GNA12: variants seen among roughly 807,000 people sequenced by gnomAD.
GNA12 encodes G protein subunit alpha 12, also known as guanine nucleotide-binding protein subunit alpha-12.
Under a neutral mutation model 26.0 loss-of-function variants are expected in GNA12, and 9 were observed. That is an observed-to-expected ratio of 0.35 (90% CI 0.21 to 0.60). The LOEUF (loss-of-function observed/expected upper bound fraction) is 0.60. Among genes scored for constraint, GNA12 ranks in the 20% least tolerant of loss-of-function variants. GNA12 has a pLI of 0.78. For missense variants in GNA12, 405 were observed against 525.8 expected, an observed-to-expected ratio of 0.77 and a Z score of 2.25; for synonymous variants, 264 against 219.6, an observed-to-expected ratio of 1.20 and a Z score of -1.79.
At chr7:2,759,254 G>T (rs1485183849) in intron 2 of GNA12, among the ~76,000 whole-genome samples, 1 of 152,106 alleles carries the variant, frequency 6.6e-6, no homozygotes, top group Admixed American at 6.5e-5. Context: ...GTCATAAAAT[G>T]GTTATACTGT....
intron 2 of GNA12, chr7:2,764,767 G>A (rs941842538): frequency 8.5e-5 from 13 of 152,240 alleles, no homozygotes; most frequent in African/African-American, 3.1e-4. Flanking sequence ...AGCAGCATCT[G>A]AAGTCCCTCT....
chr7:2,728,992 C>T lies in GNA12; in HGVS notation c.*2189G>A, dbSNP rs12484. ...ACGGACCCCACAATATCTCCTTCCT[C>T]TCATGCTTCTGGTTTGAAAGTGACG... On this transcript the variant is annotated 3_prime_UTR_variant, in exon 4 of 4. Transcript: ENST00000275364. 70,826 of 152,340 alleles carry T rather than the reference C, an allele frequency of 0.46. 17,232 individuals carry two copies. The highest frequency in any genetic ancestry group is 0.6 in the African/African-American group (25,090 of 41,516). The allele number at this position is 152,340 out of a possible 1,614,324, so 9.4% of individuals were successfully genotyped here.
intron 2 of GNA12, among the ~76,000 whole-genome samples, chr7:2,771,159 C>T (rs1018251277): frequency 3.3e-5 from 5 of 152,000 alleles, no homozygotes; most frequent in Non-Finnish European, 5.9e-5. Context: ...GGTGAGGTGG[C>T]AGGCACCTAT....
Position 2,788,401 on chromosome 7 carries a change from G to A in GNA12, c.525+6527C>T, listed in dbSNP as rs114442099. Among the ~76,000 whole-genome samples, 1,477 of 152,272 alleles carry A rather than the reference G, an allele frequency of 9.7e-3. 18 individuals carry two copies. The highest frequency in any genetic ancestry group is 0.033 in the African/African-American group (1,382 of 41,542). On this transcript the variant is annotated intron_variant, in intron 2 of 3. Transcript: ENST00000275364. ...TCTAGGAAGTCACTCTAAAAGAAGA[G>A]GGGAGCTCTCCCTCCCCACCCTCCT...
chr7:2,779,360 A>G (rs1002689530), intron 2 of GNA12, among the ~76,000 whole-genome samples: 3 of 152,144 alleles, frequency 2.0e-5, no homozygotes, highest in African/African-American at 7.2e-5. Context: ...AAATAAATAA[A>G]TAAGTTGGGT....
intron 2 of GNA12, among the ~76,000 whole-genome samples, chr7:2,793,867 G>A (rs184519908): frequency 5.1e-5 from 7 of 137,800 alleles, no homozygotes; most frequent in East Asian, 2.0e-4. Context: ...GGGCAACAGC[G>A]CGAGACTCCA....
chr7:2,820,326 A>G (rs1262215758), intron 1 of GNA12, among the ~76,000 whole-genome samples: 3 of 151,956 alleles, frequency 2.0e-5, no homozygotes, highest in Admixed American at 6.6e-5. Context: ...CAGCTCTGTA[A>G]ATAGACTGAA....
intron 2 of GNA12, among the ~76,000 whole-genome samples, chr7:2,753,027 T>A (rs1325724444): frequency 6.6e-6 from 1 of 152,178 alleles, no homozygotes; most frequent in Admixed American, 6.5e-5. Context: ...TCTTCCACCA[T>A]CCCTAATCCC....
intron 1 of GNA12, among the ~76,000 whole-genome samples, chr7:2,817,891 AGTTTT>A (rs777662326): frequency 2.6e-5 from 4 of 152,148 alleles, no homozygotes; most frequent in Non-Finnish European, 4.4e-5. Context: ...CCCTCCCTTT[AGTTTT>A]ATTTTTAAGT....
At chr7:2,755,296 C>A (rs1015456693) in intron 2 of GNA12, among the ~76,000 whole-genome samples, 2 of 152,220 alleles carry the variant, frequency 1.3e-5, no homozygotes, top group Non-Finnish European at 2.9e-5. Context: ...TACAAAAGAT[C>A]TTGCTGCGAT....
At chr7:2,785,929 T>C (rs933807877) in intron 2 of GNA12, among the ~76,000 whole-genome samples, 3 of 152,108 alleles carry the variant, frequency 2.0e-5, no homozygotes, top group African/African-American at 7.2e-5. Context: ...TAGTCAGGTG[T>C]GGTGGCGGAC....
At chr7:2,774,796 T>C (rs1014830495) in intron 2 of GNA12, among the ~76,000 whole-genome samples, 2 of 152,132 alleles carry the variant, frequency 1.3e-5, no homozygotes, top group African/African-American at 4.8e-5. Context: ...AGGGTACTTG[T>C]TTTTCCCCCC....
chr7:2,819,627 A>G (rs1003940291), intron 1 of GNA12, among the ~76,000 whole-genome samples: 7 of 152,362 alleles, frequency 4.6e-5, no homozygotes, highest in Middle Eastern at 3.4e-3. Flanking sequence ...CTGTATAGCC[A>G]TATCTCCAAA....
rs1554259618 is a variant in GNA12 at position 2,780,048 on chromosome 7, G to GTATATATATATA, written c.525+14879_525+14880insTATATATATATA. Among the ~76,000 whole-genome samples, 44 of 84,716 alleles carry GTATATATATATA rather than the reference G, an allele frequency of 5.2e-4. 3 individuals carry two copies. Among genetic ancestry groups the GTATATATATATA allele is most frequent in the African/African-American group, 2.1e-3 (36 of 17,426 alleles). 55.6% of individuals were successfully genotyped at this position (84,716 alleles called of 152,430 possible). A position where few individuals can be genotyped will look rare whatever the true frequency, so the allele number is the denominator to read the frequency against. Reference sequence around the variant, plus strand: ...GTACTAGTTTTTTACACATTTCTGTGTACATATATATATATATATATATAT... The same window carrying GTATATATATATA: ...GTACTAGTTTTTTACACATTTCTGTGTATATATATATATACATATATATATATATATATATAT... On this transcript the variant is annotated intron_variant, in intron 2 of 3. Coordinates refer to ENST00000275364, the MANE Select transcript of GNA12 (RefSeq NM_007353.3).
chr7:2,776,754 G>C (rs1342493254), intron 2 of GNA12, among the ~76,000 whole-genome samples: 1 of 152,206 alleles, frequency 6.6e-6, no homozygotes, highest in Non-Finnish European at 1.5e-5. Context: ...GCTGGAAGCA[G>C]AGCTGGTTCC....
At chr7:2,774,679 A>C (rs1643846384) in intron 2 of GNA12, among the ~76,000 whole-genome samples, 1 of 152,250 alleles carries the variant, frequency 6.6e-6, no homozygotes, top group African/African-American at 2.4e-5. Context: ...CGTGTCACTG[A>C]ATCTTCATTC....
chr7:2,740,668 G>A (rs1306794250), intron 2 of GNA12, among the ~76,000 whole-genome samples: 1 of 152,116 alleles, frequency 6.6e-6, no homozygotes, highest in Non-Finnish European at 1.5e-5. Flanking sequence ...CTGGGCAATG[G>A]GTTTATGAGT....
intron 2 of GNA12, among the ~76,000 whole-genome samples, chr7:2,779,206 C>T (rs962518388): frequency 6.6e-6 from 1 of 151,932 alleles, no homozygotes; most frequent in African/African-American, 2.4e-5. Context: ...ATTAAAAAGC[C>T]TGATGTGGTG....
intron 2 of GNA12, among the ~76,000 whole-genome samples, chr7:2,756,266 C>G (rs1446345421): frequency 6.6e-6 from 1 of 152,118 alleles, no homozygotes; most frequent in Non-Finnish European, 1.5e-5. Flanking sequence ...AAAAAACTCT[C>G]ATTTGGAGGA....
Sources: allele counts gnomAD v4.1 joint callset (sites outside exome capture counted in the v4.1 genomes callset), GRCh38; gene constraint gnomAD v4.1.1; transcripts MANE v1.5; gene names NCBI Gene and HGNC (gene_info 2026-07-23, HGNC 2026-07-21).